Variants in SMCO4 observed in about 807,000 individuals in gnomAD.
The protein encoded by SMCO4 is single-pass membrane protein with coiled-coil domains 4.
Under a neutral mutation model 3.6 loss-of-function variants are expected in SMCO4, and 4 were observed. The ratio of observed to expected loss-of-function variants is 1.11; its 90% CI spans 0.54 to 2.53. The LOEUF is 2.53. SMCO4 is among the 30% of genes most tolerant of loss of function. The pLI is 0.02. For missense variants in SMCO4, 70 were observed against 80.8 expected (o/e 0.87, Z 0.51); for synonymous variants, 36 against 35.3 (o/e 1.02, Z -0.07).
intron 1 of SMCO4, among the ~76,000 whole-genome samples, chr11:93,530,566 G>T (rs953686453): frequency 6.6e-6 from 1 of 152,080 alleles, no homozygotes; most frequent in African/African-American, 2.4e-5. Flanking sequence ...ATGCTCACAG[G>T]CACAACAGTG....
At chr11:93,527,804 T>G (rs1949123329) in intron 1 of SMCO4, among the ~76,000 whole-genome samples, 1 of 152,034 alleles carries the variant, frequency 6.6e-6, no homozygotes, top group Non-Finnish European at 1.5e-5. Flanking sequence ...ATAACAAAAA[T>G]TAGGTTAATA....
At chr11:93,539,170 A>G (rs1949252613) in intron 1 of SMCO4, among the ~76,000 whole-genome samples, 1 of 152,200 alleles carries the variant, frequency 6.6e-6, no homozygotes, top group African/African-American at 2.4e-5. Flanking sequence ...TCCAAGTTCT[A>G]AAGAGCCTAG....
intron 1 of SMCO4, among the ~76,000 whole-genome samples, chr11:93,534,325 C>A (rs1232307000): frequency 6.8e-6 from 1 of 146,182 alleles, no homozygotes; most frequent in African/African-American, 2.5e-5. Context: ...CATATATACA[C>A]ATATACATAT....
the SMCO4 span, among the ~76,000 whole-genome samples, chr11:93,549,291 T>A: frequency 1.3e-5 from 2 of 152,246 alleles, no homozygotes; most frequent in African/African-American, 4.8e-5. Context: ...TTTAAGCAAT[T>A]CACCCCAAGC....
At chr11:93,534,793 C>T (rs1028941171) in intron 1 of SMCO4, among the ~76,000 whole-genome samples, 1 of 152,194 alleles carries the variant, frequency 6.6e-6, no homozygotes, top group Non-Finnish European at 1.5e-5. Context: ...GCAGGGAGGG[C>T]CCCGAGATCA....
At chr11:93,505,312 A>C (rs1948888828) in intron 1 of SMCO4, among the ~76,000 whole-genome samples, 1 of 152,254 alleles carries the variant, frequency 6.6e-6, no homozygotes, top group Admixed American at 6.5e-5. Context: ...CTACTTCATT[A>C]ATGTCTGTAC....
intron 1 of SMCO4, chr11:93,535,851 A>T (rs1211742137): frequency 6.2e-7 from 1 of 1,610,838 alleles, no homozygotes; most frequent in Non-Finnish European, 8.5e-7. Context: ...TTCACCAATT[A>T]ACCACTGAAT....
chr11:93,500,810 C>T (rs961749490), intron 1 of SMCO4, among the ~76,000 whole-genome samples: 3 of 152,312 alleles, frequency 2.0e-5, no homozygotes, highest in East Asian at 1.9e-4. Flanking sequence ...ATCAGCAAGC[C>T]GTGACCTCTA....
chr11:93,481,586 C>T (rs932147412), intron 2 of SMCO4: 41 of 931,690 alleles, frequency 4.4e-5, no homozygotes, highest in Admixed American at 4.3e-4. Context: ...ATCCCCATCA[C>T]GGAAGGGAGG....
chr11:93,551,193 G>T, the SMCO4 span, among the ~76,000 whole-genome samples: 278 of 29,032 alleles, frequency 9.6e-3, 9 homozygotes, highest in East Asian at 0.2. Context: ...TTTTACAAAT[G>T]ATGTTAAGCG....
Position 93,529,885 on chromosome 11 carries a change from T to C in SMCO4, c.-154+13391A>G, listed in dbSNP as rs538880814. ...TTTATGACAAATAAGAACAACAATG[T>C]GTGAACACTTTGTAGGCCAGTAACA... On this transcript the variant is annotated intron_variant, in intron 1 of 2. Transcript: ENST00000298966. 3.9e-4 allele frequency among the ~76,000 whole-genome samples: 59 copies of C among 152,302 alleles called. No homozygotes were observed. In the Middle Eastern group the frequency reaches 0.014, roughly 35 times the overall value.
At chr11:93,514,076 C>G (rs1203945251) in intron 1 of SMCO4, among the ~76,000 whole-genome samples, 1 of 152,056 alleles carries the variant, frequency 6.6e-6, no homozygotes, top group Non-Finnish European at 1.5e-5. Context: ...GTCGTAGGTG[C>G]TCAACAAGCA....
At chr11:93,537,574 C>T (rs1949237615) in intron 1 of SMCO4, among the ~76,000 whole-genome samples, 1 of 151,918 alleles carries the variant, frequency 6.6e-6, no homozygotes, top group African/African-American at 2.4e-5. Flanking sequence ...CGCACCTAAA[C>T]ACGAAGCAAA....
intron 1 of SMCO4, among the ~76,000 whole-genome samples, chr11:93,523,178 G>A (rs1949074780): frequency 6.6e-6 from 1 of 152,192 alleles, no homozygotes; most frequent in African/African-American, 2.4e-5. Flanking sequence ...GCTCATGCCT[G>A]TAATCCCAGC....
intron 1 of SMCO4, among the ~76,000 whole-genome samples, chr11:93,510,110 C>T (rs995284661): frequency 6.6e-6 from 1 of 152,176 alleles, no homozygotes; most frequent in Non-Finnish European, 1.5e-5. Context: ...AATGGGGAGT[C>T]CACCACCTAC....
intron 1 of SMCO4, among the ~76,000 whole-genome samples, chr11:93,528,315 C>T (rs750206431): frequency 3.3e-5 from 5 of 152,132 alleles, no homozygotes; most frequent in Admixed American, 6.5e-5. Context: ...AAATAAAAAG[C>T]CTTTGTTCAA....
intron 1 of SMCO4, among the ~76,000 whole-genome samples, chr11:93,514,069 G>A (rs1006627609): frequency 1.3e-5 from 2 of 151,980 alleles, no homozygotes; most frequent in African/African-American, 2.4e-5. Flanking sequence ...GCTGCCTGTC[G>A]TAGGTGCTCA....
intron 1 of SMCO4, among the ~76,000 whole-genome samples, chr11:93,534,375 T>TAGAG (rs1555079957): frequency 0.02 from 2,813 of 142,076 alleles, 49 homozygotes; most frequent in African/African-American, 0.042. Flanking sequence ...TATATATATA[T>TAGAG]AGAGAGAGAG....
chr11:93,528,243 G>C (rs1025340151), intron 1 of SMCO4, among the ~76,000 whole-genome samples: 1 of 152,158 alleles, frequency 6.6e-6, no homozygotes, highest in Non-Finnish European at 1.5e-5. Context: ...AAATTTTGTA[G>C]TTATGATCCA....
Sources: gnomAD v4.1 joint callset for allele counts (sites outside exome capture counted in the v4.1 genomes callset) on GRCh38, gnomAD v4.1.1 for gene constraint, MANE v1.5 for transcripts, NCBI Gene and HGNC (gene_info 2026-07-23, HGNC 2026-07-21) for gene names.